The following SIAH3 variants were observed in gnomAD, a reference collection of about 807,000 sequenced individuals.
SIAH3 encodes seven in absentia homolog 3.
Under a neutral mutation model 12.6 loss-of-function variants are expected in SIAH3, and 9 were observed. The observed-to-expected ratio is 0.72, with a 90% CI of 0.43 to 1.25. The LOEUF (loss-of-function observed/expected upper bound fraction) is 1.25. Among genes scored for constraint, SIAH3 ranks in the 50% most tolerant of loss-of-function variants. SIAH3 has a pLI of 0.00. For missense variants in SIAH3, 390 were observed against 365.4 expected (o/e 1.07, Z -0.55); for synonymous variants, 154 against 151.1 (o/e 1.02, Z -0.14).
chr13:45,851,578 G>T lies in SIAH3; in HGVS notation c.52C>A (p.Arg18=). Residue 18 remains arginine (R), a synonymous_variant, in exon 1 of 2, where the codon CGG becomes AGG. Coordinates refer to ENST00000400405, the MANE Select transcript of SIAH3 (RefSeq NM_198849.3). The part of the protein sequence containing the change: ...FGAVLDLIHL[R]FQHYKAKRVF... Reference sequence around the variant, plus strand: ...CGTTTAGCCTTGTAGTGCTGAAACCGGAGATGAATGAGATCTAATACAGCC... The same window carrying T: ...CGTTTAGCCTTGTAGTGCTGAAACCTGAGATGAATGAGATCTAATACAGCC... 2 of 1,614,184 alleles carry T rather than the reference G, an allele frequency of 1.2e-6. No homozygotes were observed. The highest frequency in any genetic ancestry group is 1.1e-5 in the South Asian group (1 of 91,082).
At chr13:45,828,919 G>A (rs1336498361) in intron 1 of SIAH3, among the ~76,000 whole-genome samples, 3 of 150,940 alleles carry the variant, frequency 2.0e-5, no homozygotes, top group Admixed American at 6.7e-5. Context: ...AGGGAGGAGA[G>A]TTTTGAACAG....
At chr13:45,814,677 C>T (rs112487469) in intron 1 of SIAH3, among the ~76,000 whole-genome samples, 270 of 152,146 alleles carry the variant, frequency 1.8e-3, no homozygotes, top group African/African-American at 6.1e-3. Context: ...AGTTTATTTG[C>T]CCCCAGAGTT....
intron 1 of SIAH3, among the ~76,000 whole-genome samples, chr13:45,828,907 G>A (rs1211530532): frequency 6.6e-6 from 1 of 151,990 alleles, no homozygotes; most frequent in South Asian, 2.1e-4. Context: ...AGAATAGTTA[G>A]AAGGGAGGAG....
intron 1 of SIAH3, among the ~76,000 whole-genome samples, chr13:45,838,120 A>T (rs936977582): frequency 1.8e-4 from 27 of 152,146 alleles, no homozygotes; most frequent in Non-Finnish European, 3.4e-4. Context: ...CCTTGGAGGG[A>T]GGTAAAGGGC....
chr13:45,789,082 T>C (rs1450796196), intron 1 of SIAH3, among the ~76,000 whole-genome samples: 3 of 152,144 alleles, frequency 2.0e-5, no homozygotes, highest in African/African-American at 4.8e-5. Context: ...TCCAGGACTG[T>C]GCCCTGCACA....
At chr13:45,798,401 G>T (rs1262441499) in intron 1 of SIAH3, among the ~76,000 whole-genome samples, 2 of 152,264 alleles carry the variant, frequency 1.3e-5, no homozygotes, top group African/African-American at 4.8e-5. Flanking sequence ...GGTATAAAAT[G>T]GTGAGCAGAT....
At chr13:45,817,202 G>A (rs1045648658) in intron 1 of SIAH3, among the ~76,000 whole-genome samples, 15 of 152,180 alleles carry the variant, frequency 9.9e-5, no homozygotes, top group Admixed American at 9.8e-4. Context: ...TTATAACACT[G>A]CATTTTTAAT....
intron 1 of SIAH3, among the ~76,000 whole-genome samples, chr13:45,835,558 C>A (rs1950714815): frequency 6.6e-6 from 1 of 152,186 alleles, no homozygotes; most frequent in Non-Finnish European, 1.5e-5. Flanking sequence ...ATTATTACCC[C>A]ATTTTACAGA....
At chr13:45,789,426 A>G (rs1289121325) in intron 1 of SIAH3, among the ~76,000 whole-genome samples, 2 of 151,312 alleles carry the variant, frequency 1.3e-5, no homozygotes, top group Non-Finnish European at 2.9e-5. Context: ...CTATATGTTG[A>G]GACAGAGTCT....
At chr13:45,796,750 C>T (rs954037596) in intron 1 of SIAH3, among the ~76,000 whole-genome samples, 2 of 152,246 alleles carry the variant, frequency 1.3e-5, no homozygotes, top group Non-Finnish European at 2.9e-5. Flanking sequence ...GTAAATGCCT[C>T]ACTGAATGAA....
chr13:45,845,783 C>T (rs7327670), intron 1 of SIAH3, among the ~76,000 whole-genome samples: 69,013 of 151,712 alleles, frequency 0.45, 16,210 homozygotes, highest in East Asian at 0.59. Context: ...CAGGATTGTG[C>T]CTTTCAAAAT....
At chr13:45,785,488 G>A (rs193092221) in intron 1 of SIAH3, among the ~76,000 whole-genome samples, 7 of 152,314 alleles carry the variant, frequency 4.6e-5, no homozygotes, top group Non-Finnish European at 8.8e-5. Flanking sequence ...GGCTAATAGT[G>A]AGCCAGCTAG....
intron 1 of SIAH3, among the ~76,000 whole-genome samples, chr13:45,845,506 C>T (rs1593390153): frequency 1.3e-5 from 2 of 152,154 alleles, no homozygotes; most frequent in African/African-American, 4.8e-5. Context: ...CGCGTTTATA[C>T]ATTTCCCTTT....
At chr13:45,821,190 G>A (rs1306792811) in intron 1 of SIAH3, among the ~76,000 whole-genome samples, 2 of 152,180 alleles carry the variant, frequency 1.3e-5, no homozygotes, top group Non-Finnish European at 2.9e-5. Flanking sequence ...GAATTTGGAG[G>A]CAGAAACAGA....
intron 1 of SIAH3, among the ~76,000 whole-genome samples, chr13:45,826,475 G>GAGTGGGTGGGTGGGT (rs1566094935): frequency 7.2e-6 from 1 of 138,150 alleles, no homozygotes; most frequent in Non-Finnish European, 1.6e-5. Context: ...ATGGATGGAT[G>GAGTGGGTGGGTGGGT]GATGGATGGA....
At position 45,779,380 on chromosome 13, in the gene SIAH3, C is replaced by T. The variant is rs1950495575; in HGVS notation, c.*4003G>A. 6.6e-6 allele frequency: 1 copy of T among 152,052 alleles called. No homozygotes were observed. Among genetic ancestry groups the T allele is most frequent in the East Asian group, 1.9e-4 (1 of 5,200 alleles). The allele number at this position is 152,052 out of a possible 1,614,324, so 9.4% of individuals were successfully genotyped here. On this transcript the variant is annotated 3_prime_UTR_variant, in exon 2 of 2. Coordinates refer to ENST00000400405, the MANE Select transcript of SIAH3 (RefSeq NM_198849.3). ...CAGAATACAAGCAGCTCTAGTACTC[C>T]ACTAGGTCTTGGGTTGAAAAAAGAG...
At chr13:45,784,897 T>C (rs559203670) in intron 1 of SIAH3, among the ~76,000 whole-genome samples, 21 of 152,356 alleles carry the variant, frequency 1.4e-4, no homozygotes, top group African/African-American at 5.0e-4. Flanking sequence ...GCCAGGGCCT[T>C]GCAGGGATAC....
intron 1 of SIAH3, among the ~76,000 whole-genome samples, chr13:45,832,389 T>C (rs1448550140): frequency 1.3e-5 from 2 of 152,216 alleles, no homozygotes; most frequent in Non-Finnish European, 2.9e-5. Flanking sequence ...TGTAATCTAC[T>C]TTCTGTCTCT....
chr13:45,842,546 A>G (rs1242224279), intron 1 of SIAH3, among the ~76,000 whole-genome samples: 1 of 152,102 alleles, frequency 6.6e-6, no homozygotes, highest in Non-Finnish European at 1.5e-5. Flanking sequence ...ACGAGGTCTC[A>G]CTATGTTGCC....
Sources: gnomAD v4.1 joint callset for allele counts (sites outside exome capture counted in the v4.1 genomes callset) on GRCh38, gnomAD v4.1.1 for gene constraint, MANE v1.5 for transcripts, NCBI Gene and HGNC (gene_info 2026-07-23, HGNC 2026-07-21) for gene names.